The following STMN3 variants were observed in gnomAD, a reference collection of about 807,000 sequenced individuals.
The protein encoded by STMN3 is stathmin 3.
Under a neutral mutation model 23.2 loss-of-function variants are expected in STMN3, and 24 were observed. That is an observed-to-expected ratio of 1.03 (90% CI 0.75 to 1.45). The LOEUF is 1.45. STMN3 is among the 40% of genes most tolerant of loss of function. The pLI, the probability that STMN3 is intolerant of heterozygous loss-of-function variation, is 0.00. For missense variants in STMN3, 235 were observed against 237.6 expected, an observed-to-expected ratio of 0.99 and a Z score of 0.07; for synonymous variants, 117 against 103.4, an observed-to-expected ratio of 1.13 and a Z score of -0.80.
At position 63,652,640 on chromosome 20, in the gene STMN3, G is replaced by A. The variant is rs996645287; in HGVS notation, c.19+687C>T. On this transcript the variant is annotated intron_variant, in intron 1 of 4. Transcript: ENST00000370053. The surrounding 1 kb of genome is among the most constrained non-coding windows in gnomAD (Gnocchi z 5.3). ...GGAGGGGCGGAGCCCTCTGGTCTCC[G>A]GAGGGTTTGGGGATCGCAGTCGCCC... 4 of 985,514 alleles carry A rather than the reference G, an allele frequency of 4.1e-6. No homozygotes were observed. Among genetic ancestry groups the A allele is most frequent in the East Asian group, 1.1e-4 (1 of 8,798 alleles). 61.0% of individuals were successfully genotyped at this position (985,514 alleles called of 1,614,324 possible).
chr20:63,641,762 G>A (rs1362916004), intron 4 of STMN3, among the ~76,000 whole-genome samples: 4 of 152,160 alleles, frequency 2.6e-5, no homozygotes, highest in African/African-American at 7.2e-5. Context: ...CAGTAAACAC[G>A]GGAGGAGCCC....
At chr20:63,649,466 C>G (rs1371013745) in intron 1 of STMN3, among the ~76,000 whole-genome samples, 1 of 152,144 alleles carries the variant, frequency 6.6e-6, no homozygotes, top group African/African-American at 2.4e-5. Context: ...GGCCACCTCT[C>G]CACAGACACA....
chr20:63,644,505 G>A (rs755727649), intron 1 of STMN3, among the ~76,000 whole-genome samples, 196 bp from the exon 2 acceptor site: 5 of 151,520 alleles, frequency 3.3e-5, no homozygotes, highest in African/African-American at 7.3e-5. Context: ...CACTGTCTCC[G>A]TGGTGTGTCC....
At chr20:63,643,596 C>T in intron 3 of STMN3, 160 bp downstream of exon 3, 1 of 980,890 alleles carries the variant, frequency 1.0e-6, no homozygotes, top group Non-Finnish European at 1.2e-6. Flanking sequence ...CCATCCCATT[C>T]TTATCTCTCA....
chr20:63,647,991 TACAG>T (rs2089831667), intron 1 of STMN3, among the ~76,000 whole-genome samples: 2 of 75,870 alleles, frequency 2.6e-5, no homozygotes, highest in African/African-American at 4.9e-5. Flanking sequence ...CATATATATA[TACAG>T]AGAGAGAGAG....
intron 3 of STMN3, 72 bp from the exon 4 acceptor site, chr20:63,642,371 C>T: frequency 8.5e-7 from 1 of 1,180,312 alleles, no homozygotes; most frequent in Non-Finnish European, 1.1e-6. Flanking sequence ...CCCTGCTCTC[C>T]GCCTCCCGCC....
intron 1 of STMN3, among the ~76,000 whole-genome samples, chr20:63,645,957 CAGAA>C (rs1371228906): frequency 6.7e-6 from 1 of 149,580 alleles, no homozygotes; most frequent in African/African-American, 2.5e-5. Flanking sequence ...CGTCTCAAAA[CAGAA>C]AGAAAAAGAG....
chr20:63,647,859 C>T (rs1317953844), intron 1 of STMN3, among the ~76,000 whole-genome samples: 8 of 108,532 alleles, frequency 7.4e-5, no homozygotes, highest in Non-Finnish European at 1.4e-4. Flanking sequence ...AATATATATA[C>T]GTATATATAC....
At chr20:63,645,034 T>C (rs550515874) in intron 1 of STMN3, among the ~76,000 whole-genome samples, 133 of 152,324 alleles carry the variant, frequency 8.7e-4, no homozygotes, top group Non-Finnish European at 1.4e-3. Context: ...TGTCATTGTA[T>C]CTTTCTGTGT....
intron 3 of STMN3, among the ~76,000 whole-genome samples, chr20:63,643,481 A>G (rs1053227756): frequency 2.0e-5 from 3 of 152,104 alleles, no homozygotes; most frequent in African/African-American, 4.8e-5. Context: ...GGGTTTCACC[A>G]TGTTGGCCAG....
In STMN3 at chr20:63,639,971, C is replaced by G. The variant is rs992362170; in HGVS notation, c.*1367G>C. On this transcript the variant is annotated 3_prime_UTR_variant, in exon 5 of 5. Transcript: ENST00000370053. ...GGAGAGGGAGATGGGGCAGTGGGTC[C>G]CTGCTGACCCCTGAGCCCTGCAGGG... 3.4e-4 allele frequency: 52 copies of G among 152,502 alleles called. No homozygotes were observed. Among genetic ancestry groups the G allele is most frequent in the African/African-American group, 1.3e-3 (52 of 41,400 alleles). 9.4% of individuals were successfully genotyped at this position (152,502 alleles called of 1,614,324 possible). A position where few individuals can be genotyped will look rare whatever the true frequency, so the allele number is the denominator to read the frequency against.
chr20:63,650,555 CCGT>C (rs2089850315), intron 1 of STMN3, among the ~76,000 whole-genome samples: 1 of 128,768 alleles, frequency 7.8e-6, no homozygotes, highest in Non-Finnish European at 1.7e-5. Flanking sequence ...CCCACCCCTC[CCGT>C]CGCCCAGGTG....
intron 1 of STMN3, among the ~76,000 whole-genome samples, chr20:63,650,919 T>C (rs2089853722): frequency 7.4e-6 from 1 of 135,340 alleles, no homozygotes; most frequent in Admixed American, 7.4e-5. Flanking sequence ...GCTCTCCTTC[T>C]CCTTCTCTTT....
chr20:63,647,650 A>ATG (rs1555897446), intron 1 of STMN3, among the ~76,000 whole-genome samples: 1 of 135,418 alleles, frequency 7.4e-6, no homozygotes, highest in African/African-American at 2.8e-5. Context: ...ATATATATAC[A>ATG]TGTATATATA....
intron 2 of STMN3, 115 bp from the exon 3 acceptor site, chr20:63,644,046 C>T: frequency 6.9e-7 from 1 of 1,446,246 alleles, no homozygotes; most frequent in Non-Finnish European, 9.4e-7. Flanking sequence ...GGGGTGGCTG[C>T]TCCCGCAGGA....
chr20:63,652,767 G>T lies in STMN3; in HGVS notation c.19+560C>A, dbSNP rs1248448767. 3 of 985,994 alleles carry T rather than the reference G, an allele frequency of 3.0e-6. No homozygotes were observed. Among genetic ancestry groups the T allele is most frequent in the Non-Finnish European group, 3.6e-6 (3 of 830,532 alleles). The allele number at this position is 985,994 out of a possible 1,614,324, so 61.1% of individuals were successfully genotyped here. The stretch of plus-strand genomic sequence containing the variant: ...GTGGTCCCCGAGGCCGCAGCGGTGT[G>T]GGGGGAGGGCGCGGTCCCCCTCACT... On this transcript the variant is annotated intron_variant, in intron 1 of 4. Coordinates refer to ENST00000370053, the MANE Select transcript of STMN3 (RefSeq NM_015894.4). This position sits in a 1 kb window ranked among gnomAD's most constrained non-coding sequence, Gnocchi z 5.3.
chr20:63,652,498 C>G lies in STMN3; in HGVS notation c.19+829G>C, dbSNP rs955220002. 7 of 906,048 alleles carry G rather than the reference C, an allele frequency of 7.7e-6. No individual in the cohort carries two copies. The East Asian group carries it at 5.9e-4, about 77-fold the overall frequency. 56.1% of individuals were successfully genotyped at this position (906,048 alleles called of 1,614,324 possible). On this transcript the variant is annotated intron_variant, in intron 1 of 4. Transcript: ENST00000370053. This position sits in a 1 kb window ranked among gnomAD's most constrained non-coding sequence, Gnocchi z 5.3. ...AGCTCCCCTGCGTCCAGAATCCGCC[C>G]CCCGCCCGGGCCTGCGCCCGCCCCT...
intron 1 of STMN3, among the ~76,000 whole-genome samples, chr20:63,646,705 G>C (rs1243805856): frequency 6.6e-6 from 1 of 151,958 alleles, no homozygotes; most frequent in Non-Finnish European, 1.5e-5. Flanking sequence ...CTGGAGTGTA[G>C]GGTGCAGCTG....
At position 63,652,833 on chromosome 20, in the gene STMN3, C is replaced by T. The variant is rs950807590; in HGVS notation, c.19+494G>A. ...TCTGGCCCGCCCCCCTCCTTCAGCG[C>T]CCCCTCCAGCCCCTGTGCTGCACTG... On this transcript the variant is annotated intron_variant, in intron 1 of 4. Transcript: ENST00000370053. This position sits in a 1 kb window ranked among gnomAD's most constrained non-coding sequence, Gnocchi z 5.3. 3.1e-6 allele frequency: 3 copies of T among 968,276 alleles called. No individual in the cohort carries two copies. The highest frequency in any genetic ancestry group is 1.8e-5 in the African/African-American group (1 of 56,910). The allele number at this position is 968,276 out of a possible 1,614,324, so 60.0% of individuals were successfully genotyped here. A position where few individuals can be genotyped will look rare whatever the true frequency, so the allele number is the denominator to read the frequency against.
Sources: allele counts gnomAD v4.1 joint callset (sites outside exome capture counted in the v4.1 genomes callset), GRCh38; gene constraint gnomAD v4.1.1; non-coding constraint Gnocchi (gnomAD v3.1); transcripts MANE v1.5; gene names NCBI Gene and HGNC (gene_info 2026-07-23, HGNC 2026-07-21).